The following ZNF546 variants were observed in gnomAD, a reference collection of about 807,000 sequenced individuals.
ZNF546 encodes zinc finger protein 546.
ZNF546 carries 60 observed loss-of-function variants against 76.2 expected under a neutral mutation model. The ratio of observed to expected loss-of-function variants is 0.79; its 90% CI spans 0.64 to 0.98. The LOEUF is 0.98. Ranked by LOEUF, ZNF546 falls within the 50% of genes least tolerant of loss-of-function variation. The pLI is 0.00. For synonymous variants in ZNF546, 277 were observed against 328.1 expected, an observed-to-expected ratio of 0.84 and a Z score of 1.68; for missense variants, 936 against 1,035.6, an observed-to-expected ratio of 0.90 and a Z score of 1.32.
chr19:40,015,628 C>T lies in ZNF546; in HGVS notation c.2358C>T (p.Phe786=), dbSNP rs748300658. 6.2e-7 allele frequency: 1 copy of T among 1,612,920 alleles called. No individual in the cohort carries two copies. The highest frequency in any genetic ancestry group is 8.5e-7 in the Non-Finnish European group (1 of 1,179,650). ...AATGTAAAGAATGTGGGAAAGCCTT[C>T]AGTGTTAATTCAGAACTTACTCGAC... ...PYKCKECGKA[F]SVNSELTRHH... is the part of the protein sequence containing the mutation. The change falls in exon 7 of 7, where the codon TTC becomes TTT. Residue 786 remains phenylalanine, a synonymous_variant. Transcript: ENST00000347077.
At chr19:40,007,235 C>T in intron 4 of ZNF546, 39 bp from the exon 5 acceptor site, 1 of 1,450,590 alleles carries the variant, frequency 6.9e-7, no homozygotes, top group Non-Finnish European at 9.2e-7. Context: ...CTTGAAAATA[C>T]ATTTAATTTT....
In ZNF546 at chr19:40,007,379, T is replaced by C. The variant is rs1971616926; in HGVS notation, c.277T>C (p.Tyr93His). ...DLYKDVMLEN[Y>H]SNLVSLGYTI... ...GTACAAGGATGTGATGTTGGAGAAC[T>C]ACAGCAACCTGGTCTCACTGGGTAA... Residue 93 changes from tyrosine to histidine, a missense_variant, in exon 5 of 7, where the codon TAC becomes CAC. By Grantham distance (83) the Tyr-to-His change is moderately conservative. Coordinates refer to ENST00000347077, the MANE Select transcript of ZNF546 (RefSeq NM_178544.5). 6.2e-7 allele frequency: 1 copy of C among 1,601,160 alleles called. No homozygotes were observed. Among genetic ancestry groups the C allele is most frequent in the East Asian group, 2.3e-5 (1 of 44,236 alleles).
intron 6 of ZNF546, among the ~76,000 whole-genome samples, chr19:40,012,182 C>G (rs1971680743): frequency 6.6e-6 from 1 of 152,048 alleles, no homozygotes; most frequent in African/African-American, 2.4e-5. Context: ...GGGACAGAGA[C>G]AAAGAGAAGG....
intron 6 of ZNF546, among the ~76,000 whole-genome samples, chr19:40,011,579 A>G (rs1436438525): frequency 1.3e-5 from 2 of 151,708 alleles, no homozygotes; most frequent in Non-Finnish European, 2.9e-5. Flanking sequence ...TTGTACACAA[A>G]CTCTTCCAGA....
chr19:40,010,970 A>G (rs1187871819), intron 6 of ZNF546, among the ~76,000 whole-genome samples: 2 of 151,798 alleles, frequency 1.3e-5, no homozygotes, highest in Non-Finnish European at 2.9e-5. Context: ...GTGAGCCACT[A>G]TACCTGGCCT....
intron 2 of ZNF546, 98 bp downstream of exon 2, chr19:39,998,013 C>G: frequency 8.2e-6 from 3 of 363,824 alleles, no homozygotes; most frequent in Non-Finnish European, 1.0e-5. Flanking sequence ...TGGTACCACA[C>G]TGCTATGTCA....
chr19:40,002,102 A>C (rs1344214327), intron 3 of ZNF546, among the ~76,000 whole-genome samples: 1 of 152,230 alleles, frequency 6.6e-6, no homozygotes, highest in Non-Finnish European at 1.5e-5. Flanking sequence ...ATAATGGCAT[A>C]TGCTCCTTTA....
At position 40,014,291 on chromosome 19, in the gene ZNF546, C is replaced by T. The variant is rs757553966; in HGVS notation, c.1021C>T (p.His341Tyr). The change falls in exon 7 of 7, where the codon CAT (histidine) becomes TAT (tyrosine). Residue 341 changes from histidine (H) to tyrosine (Y), a missense_variant. Transcript: ENST00000347077. The part of the protein sequence containing the change: ...CKECGKAFRL[H>Y]YQLTEHQRIH... ...AGAATGTGGGAAGGCCTTTAGACTT[C>T]ATTATCAACTAACTGAACATCAAAG... 1.2e-6 allele frequency: 2 copies of T among 1,609,406 alleles called. No homozygotes were observed. The highest frequency in any genetic ancestry group is 2.2e-5 in the South Asian group (2 of 90,248).
At chr19:40,006,272 AC>A in intron 4 of ZNF546, 90 bp downstream of exon 4, 1 of 1,226,154 alleles carries the variant, frequency 8.2e-7, no homozygotes, top group Non-Finnish European at 1.2e-6. Context: ...CCTTCCTAAG[AC>A]AACCCTGTTG....
At position 40,018,990 on chromosome 19, in the gene ZNF546, A is replaced by T. The variant is rs1046545341; in HGVS notation, c.*3209A>T. 2 of 152,240 alleles carry T rather than the reference A, an allele frequency of 1.3e-5. No homozygotes were observed. Among genetic ancestry groups the T allele is most frequent in the Admixed American group, 6.5e-5 (1 of 15,282 alleles). 9.4% of individuals were successfully genotyped at this position (152,240 alleles called of 1,614,324 possible). On this transcript the variant is annotated 3_prime_UTR_variant, in exon 7 of 7. Transcript: ENST00000347077. ...CCACACAGCGATAGGTAACTGAAAT[A>T]CTTGCTTCATATGGTAATCACCAGG...
intron 3 of ZNF546, among the ~76,000 whole-genome samples, chr19:40,000,615 CAAAAAAAAAAAA>C (rs550470156): frequency 1.8e-5 from 1 of 56,786 alleles, no homozygotes; most frequent in Non-Finnish European, 3.8e-5. Flanking sequence ...GACTCTGTCT[CAAAAAAAAAAAA>C]AAAAAAGAAA....
chr19:40,017,023 G>A lies in ZNF546; in HGVS notation c.*1242G>A, dbSNP rs1467106013. On this transcript the variant is annotated 3_prime_UTR_variant, in exon 7 of 7. Transcript: ENST00000347077. ...ATATTGCTTTATTTTTTTCATTGGGGATACATTTAGTACATTCATGTGAGA... is the reference window on the plus strand; with the variant it reads ...ATATTGCTTTATTTTTTTCATTGGGAATACATTTAGTACATTCATGTGAGA... 1 of 152,064 alleles carries A rather than the reference G, an allele frequency of 6.6e-6. No homozygotes were observed. The highest frequency in any genetic ancestry group is 1.5e-5 in the Non-Finnish European group (1 of 68,008). 9.4% of individuals were successfully genotyped at this position (152,064 alleles called of 1,614,324 possible).
At chr19:40,004,036 A>G (rs886510359) in intron 3 of ZNF546, among the ~76,000 whole-genome samples, 3 of 144,650 alleles carry the variant, frequency 2.1e-5, no homozygotes, top group Non-Finnish European at 4.5e-5. Flanking sequence ...ATATAAATAT[A>G]TAAATATATT....
At position 40,014,013 on chromosome 19, in the gene ZNF546, T is replaced by C. The variant is rs780101827; in HGVS notation, c.743T>C (p.Met248Thr). The change falls in exon 7 of 7, where the codon ATG becomes ACG. Residue 248 changes from methionine (M) to threonine (T), a missense_variant. Coordinates refer to ENST00000347077, the MANE Select transcript of ZNF546 (RefSeq NM_178544.5). Reference protein sequence around the residue: ...IHTGERPYKCMECGKAFCRVG... With the variant: ...IHTGERPYKCTECGKAFCRVG... ...ACTGGTGAGAGACCCTATAAATGTA[T>C]GGAATGTGGAAAGGCCTTTTGTCGA... 1.9e-5 allele frequency: 30 copies of C among 1,612,128 alleles called. No individual in the cohort carries two copies. In the East Asian group the frequency reaches 6.5e-4, roughly 35 times the overall value.
chr19:40,006,297 C>T (rs1194723879), intron 4 of ZNF546, 115 bp downstream of exon 4: 2 of 829,658 alleles, frequency 2.4e-6, no homozygotes, highest in Non-Finnish European at 3.8e-6. Flanking sequence ...AACCTGCTCC[C>T]TAGTTACTCC....
rs1971844329 is a variant in ZNF546 at position 40,020,734 on chromosome 19, G to A, written c.*4953G>A. On this transcript the variant is annotated 3_prime_UTR_variant, in exon 7 of 7. Transcript: ENST00000347077. ...TCAGAATATCTAATATTTTGGATGT[G>A]AGCCCACACTGGAAATGCCATAACC... The A allele has an allele frequency of 6.6e-6, 1 of 152,062 alleles. No homozygotes were observed. The highest frequency in any genetic ancestry group is 1.5e-5 in the Non-Finnish European group (1 of 67,990). The allele number at this position is 152,062 out of a possible 1,614,324, so 9.4% of individuals were successfully genotyped here.
chr19:40,007,147 C>A, intron 4 of ZNF546, 127 bp from the exon 5 acceptor site: 1 of 569,224 alleles, frequency 1.8e-6, no homozygotes, highest in Non-Finnish European at 2.8e-6. Flanking sequence ...TTTCTTTATT[C>A]TTTTACACAC....
At chr19:40,012,963 G>A (rs991179814) in intron 6 of ZNF546, among the ~76,000 whole-genome samples, 7 of 151,940 alleles carry the variant, frequency 4.6e-5, no homozygotes, top group Admixed American at 2.0e-4. Flanking sequence ...ACAGGCACCC[G>A]CCACCACGCC....
chr19:40,007,527 A>T, intron 5 of ZNF546, 127 bp downstream of exon 5: 4 of 1,060,534 alleles, frequency 3.8e-6, no homozygotes, highest in Non-Finnish European at 5.0e-6. Flanking sequence ...TAGTTTCAGC[A>T]GTGTTGGGGT....
Sources: allele counts gnomAD v4.1 joint callset (sites outside exome capture counted in the v4.1 genomes callset), GRCh38; gene constraint gnomAD v4.1.1; transcripts MANE v1.5; gene names NCBI Gene and HGNC (gene_info 2026-07-23, HGNC 2026-07-21).